PKD1L1: variants seen among roughly 807,000 people sequenced by gnomAD.
PKD1L1 encodes the protein polycystin-1-like protein 1.
A neutral mutation model predicts 323.4 loss-of-function variants in PKD1L1; 236 were observed. The observed-to-expected ratio is 0.73, with a 90% CI of 0.66 to 0.81. The LOEUF is 0.81. PKD1L1 is among the 40% of genes least tolerant of loss of function. The pLI, the probability that PKD1L1 is intolerant of heterozygous loss-of-function variation, is 0.00. For missense variants in PKD1L1, 3,320 were observed against 3,508.0 expected, an observed-to-expected ratio of 0.95 and a Z score of 1.35; for synonymous variants, 1,344 against 1,335.0, an observed-to-expected ratio of 1.01 and a Z score of -0.15.
intron 26 of PKD1L1, among the ~76,000 whole-genome samples, chr7:47,860,823 G>A (rs1264906625): frequency 6.6e-6 from 1 of 151,902 alleles, no homozygotes; most frequent in Non-Finnish European, 1.5e-5. Flanking sequence ...GAGGGACAAT[G>A]GCAGGAATGA....
chr7:47,901,736 G>GA (rs1787094041), intron 13 of PKD1L1, among the ~76,000 whole-genome samples: 1 of 152,212 alleles, frequency 6.6e-6, no homozygotes. Context: ...TCTGCGGGCT[G>GA]ACCTCTTGGG....
chr7:47,944,804 G>C (rs946461995), intron 1 of PKD1L1, among the ~76,000 whole-genome samples: 7 of 152,212 alleles, frequency 4.6e-5, no homozygotes, highest in African/African-American at 1.7e-4. Flanking sequence ...GTAGCTCCTT[G>C]GGTCCTGAGG....
chr7:47,793,064 T>G (rs1207344330), intron 55 of PKD1L1, among the ~76,000 whole-genome samples: 1 of 134,888 alleles, frequency 7.4e-6, no homozygotes, highest in Non-Finnish European at 1.7e-5. Flanking sequence ...AACTATTGAA[T>G]GGATTTAAAG....
intron 24 of PKD1L1, among the ~76,000 whole-genome samples, chr7:47,871,736 A>C (rs1786284014): frequency 6.6e-6 from 1 of 152,252 alleles, no homozygotes; most frequent in South Asian, 2.1e-4. Flanking sequence ...TTATAATGAA[A>C]TACACACACA....
At chr7:47,913,786 T>C (rs1583669599) in intron 8 of PKD1L1, among the ~76,000 whole-genome samples, 1 of 152,212 alleles carries the variant, frequency 6.6e-6, no homozygotes, top group African/African-American at 2.4e-5. Context: ...GTGTCAGGTA[T>C]TTCTTTATAG....
intron 7 of PKD1L1, among the ~76,000 whole-genome samples, chr7:47,921,481 T>C (rs1482939489): frequency 6.6e-6 from 1 of 152,150 alleles, no homozygotes; most frequent in African/African-American, 2.4e-5. Context: ...GGAGATTACT[T>C]AAATAACTAA....
chr7:47,936,006 G>A (rs527656373), intron 4 of PKD1L1, among the ~76,000 whole-genome samples: 3 of 152,292 alleles, frequency 2.0e-5, no homozygotes, highest in African/African-American at 7.2e-5. Context: ...AGAAAGAAAA[G>A]TTACATTTGT....
chr7:47,942,872 C>T (rs1174110388), intron 2 of PKD1L1, among the ~76,000 whole-genome samples: 3 of 152,014 alleles, frequency 2.0e-5, no homozygotes, highest in Non-Finnish European at 2.9e-5. Flanking sequence ...CCTGGCCAGG[C>T]GCCGTGGCTC....
In PKD1L1 at chr7:47,840,769, C is replaced by T. The variant is rs1165259565; in HGVS notation, c.5446-202G>A. 3.9e-5 allele frequency among the ~76,000 whole-genome samples: 6 copies of T among 152,206 alleles called. No homozygotes were observed. Among genetic ancestry groups the T allele is most frequent in the Non-Finnish European group, 5.9e-5 (4 of 68,038 alleles). On this transcript the variant is annotated intron_variant, in intron 34 of 56. Transcript: ENST00000289672. The surrounding 1 kb of genome is among the most constrained non-coding windows in gnomAD (Gnocchi z 4.1). ...TCCCTGGAGAGCCAGAGGAGAGCCT[C>T]GAAGTGGAGCCTGGTAGAATTGGCC...
chr7:47,782,054 G>A (rs1786710439), intron 56 of PKD1L1, among the ~76,000 whole-genome samples: 1 of 152,056 alleles, frequency 6.6e-6, no homozygotes, highest in African/African-American at 2.4e-5. Flanking sequence ...CCTCTGTCAG[G>A]ACCACATGGT....
intron 51 of PKD1L1, 32 bp from the exon 52 acceptor site, chr7:47,808,419 G>T (rs535230721): frequency 2.8e-5 from 45 of 1,612,158 alleles, no homozygotes; most frequent in Admixed American, 1.5e-4. Flanking sequence ...CCCTCAGATG[G>T]CTCCTGAGGA....
chr7:47,836,810 T>G (rs1785466046), intron 37 of PKD1L1, 111 bp downstream of exon 37: 3 of 1,333,484 alleles, frequency 2.2e-6, no homozygotes, highest in Non-Finnish European at 3.1e-6. Flanking sequence ...TTGCTTCCCC[T>G]GGTTTAAACT....
At chr7:47,808,182 T>G (rs1191345396) in intron 52 of PKD1L1, 65 bp downstream of exon 52, 13 of 1,572,878 alleles carry the variant, frequency 8.3e-6, no homozygotes, top group Middle Eastern at 3.5e-4. Context: ...TTGTGTGACC[T>G]CTGCCTTTTG....
chr7:47,829,394 C>A (rs1310768857), intron 44 of PKD1L1, 31 bp downstream of exon 44: 3 of 1,555,626 alleles, frequency 1.9e-6, no homozygotes, highest in Non-Finnish European at 2.6e-6. Context: ...TTTTAAATCT[C>A]AATTTGCACT....
chr7:47,866,270 G>C, intron 25 of PKD1L1, 149 bp downstream of exon 25: 1 of 675,314 alleles, frequency 1.5e-6, no homozygotes, highest in East Asian at 2.8e-5. Context: ...CCACAGCCAT[G>C]TATGGGAGCT....
At chr7:47,796,948 A>C (rs9770658) in intron 54 of PKD1L1, among the ~76,000 whole-genome samples, 105,152 of 149,060 alleles carry the variant, frequency 0.71, 37,419 homozygotes, top group Middle Eastern at 0.75. Context: ...TGCAGTGAGC[A>C]GAGATTGCGC....
At chr7:47,788,753 AC>A (rs1165709361) in intron 56 of PKD1L1, among the ~76,000 whole-genome samples, 2 of 151,012 alleles carry the variant, frequency 1.3e-5, no homozygotes, top group African/African-American at 2.4e-5. Flanking sequence ...CCGCCACCAC[AC>A]CCGGCTAATT....
chr7:47,809,367 T>A (rs1382502319), intron 51 of PKD1L1, 106 bp downstream of exon 51: 1 of 796,292 alleles, frequency 1.3e-6, no homozygotes, highest in Non-Finnish European at 1.9e-6. Flanking sequence ...ACTGCAATAA[T>A]GTTGGCAGTA....
At chr7:47,809,622 T>C in intron 50 of PKD1L1, 45 bp from the exon 51 acceptor site, 1 of 1,429,370 alleles carries the variant, frequency 7.0e-7, no homozygotes, top group Middle Eastern at 1.8e-4. Flanking sequence ...GGAATGCTGA[T>C]AAATTGTTTT....
Sources: gnomAD v4.1 joint callset for allele counts (sites outside exome capture counted in the v4.1 genomes callset) on GRCh38, gnomAD v4.1.1 for gene constraint, Gnocchi (gnomAD v3.1) non-coding constraint, MANE v1.5 for transcripts, NCBI Gene and HGNC (gene_info 2026-07-23, HGNC 2026-07-21) for gene names.